The following SGCZ variants were observed in gnomAD, a reference collection of about 807,000 sequenced individuals.
SGCZ encodes the protein zeta-sarcoglycan.
SGCZ carries 40 observed loss-of-function variants against 41.3 expected under a neutral mutation model. The observed-to-expected ratio is 0.97, with a 90% CI of 0.75 to 1.26. The LOEUF is 1.26. Among genes scored for constraint, SGCZ ranks in the 50% most tolerant of loss-of-function variants. The pLI, the probability that SGCZ is intolerant of heterozygous loss-of-function variation, is 0.00. For synonymous variants in SGCZ, 206 were observed against 137.5 expected, an observed-to-expected ratio of 1.50 and a Z score of -3.49; for missense variants, 552 against 369.8, an observed-to-expected ratio of 1.49 and a Z score of -4.04.
chr8:14,496,465 C>G (rs1439829088), intron 2 of SGCZ, among the ~76,000 whole-genome samples: 4 of 152,140 alleles, frequency 2.6e-5, no homozygotes, highest in Admixed American at 2.6e-4. Flanking sequence ...CCCATACACC[C>G]ATGGGAGTAT....
chr8:15,095,550 A>G (rs1458433246), intron 1 of SGCZ, among the ~76,000 whole-genome samples: 1 of 152,322 alleles, frequency 6.6e-6, no homozygotes, highest in South Asian at 2.1e-4. Flanking sequence ...TTTTACTTAA[A>G]TGAAAATAAA....
intron 3 of SGCZ, among the ~76,000 whole-genome samples, chr8:14,275,047 G>T (rs934488786): frequency 1.3e-5 from 2 of 152,130 alleles, no homozygotes. Flanking sequence ...TCAGACATCA[G>T]GGATCAGTGA....
At chr8:14,319,759 CAACA>C (rs1405843749) in intron 3 of SGCZ, among the ~76,000 whole-genome samples, 2 of 151,860 alleles carry the variant, frequency 1.3e-5, no homozygotes, top group Non-Finnish European at 2.9e-5. Flanking sequence ...ATATAATTAT[CAACA>C]AACTGGAAAT....
chr8:14,225,515 A>C (rs1049188631), intron 4 of SGCZ, among the ~76,000 whole-genome samples: 1 of 152,120 alleles, frequency 6.6e-6, no homozygotes. Flanking sequence ...AATCAACATG[A>C]TAGTCAGGTG....
intron 1 of SGCZ, among the ~76,000 whole-genome samples, chr8:14,998,982 G>T (rs1203947967): frequency 6.6e-6 from 1 of 152,086 alleles, no homozygotes; most frequent in African/African-American, 2.4e-5. Context: ...CTATAATCTT[G>T]GGTACACTTG....
At chr8:15,154,904 C>A (rs1799286180) in intron 1 of SGCZ, among the ~76,000 whole-genome samples, 1 of 152,164 alleles carries the variant, frequency 6.6e-6, no homozygotes, top group Non-Finnish European at 1.5e-5. Context: ...CTCTAGTGTT[C>A]TACAGCAGTG....
Position 14,086,809 on chromosome 8 carries a change from T to C in SGCZ, c.*3634A>G, listed in dbSNP as rs1174116057. On this transcript the variant is annotated 3_prime_UTR_variant, in exon 8 of 8. Coordinates refer to ENST00000382080, the MANE Select transcript of SGCZ (RefSeq NM_139167.4). ...ATTTCAACTTTTATAAGCAGCTTTT[T>C]AAGGTGCAGAAGGAGATCACAAATG... is the stretch of plus-strand genomic sequence containing the variant. Among the ~76,000 whole-genome samples, 1 of 151,692 alleles carries C rather than the reference T, an allele frequency of 6.6e-6. No homozygotes were observed. The highest frequency in any genetic ancestry group is 1.5e-5 in the Non-Finnish European group (1 of 67,766).
chr8:14,475,063 T>G lies in SGCZ; in HGVS notation c.234+79669A>C, dbSNP rs191792945. Among the ~76,000 whole-genome samples the G allele has an allele frequency of 2.5e-3, 376 of 152,290 alleles. 3 individuals are homozygous for G. Among genetic ancestry groups the G allele is most frequent in the African/African-American group, 8.2e-3 (341 of 41,580 alleles). The stretch of plus-strand genomic sequence containing the variant: ...ATCCAATGAGTTATTTTGTTGTTGT[T>G]TTTTAAGGAAGTGGAATATTTCAAA... On this transcript the variant is annotated intron_variant, in intron 2 of 7. Transcript: ENST00000382080.
chr8:15,020,558 A>C (rs528286934), intron 1 of SGCZ, among the ~76,000 whole-genome samples: 3 of 152,288 alleles, frequency 2.0e-5, no homozygotes, highest in Admixed American at 6.5e-5. Context: ...CGCCACCAGA[A>C]AATATTAACT....
intron 6 of SGCZ, among the ~76,000 whole-genome samples, chr8:14,104,034 C>G (rs141711421): frequency 1.3e-5 from 2 of 152,254 alleles, no homozygotes; most frequent in African/African-American, 4.8e-5. Flanking sequence ...TGGAAAGTCT[C>G]CTGTCCACTG....
intron 4 of SGCZ, among the ~76,000 whole-genome samples, chr8:14,197,099 TATC>T (rs1410851004): frequency 6.6e-6 from 1 of 152,186 alleles, no homozygotes; most frequent in African/African-American, 2.4e-5. Context: ...ACATGTTTAA[TATC>T]ATGTAAATTA....
chr8:14,879,595 GACACACACAC>G (rs33933535), intron 1 of SGCZ, among the ~76,000 whole-genome samples: 1 of 147,008 alleles, frequency 6.8e-6, no homozygotes, highest in Non-Finnish European at 1.5e-5. Flanking sequence ...CAGACACACA[GACACACACAC>G]ACACACACAC....
intron 1 of SGCZ, among the ~76,000 whole-genome samples, chr8:15,079,818 C>T (rs555240385): frequency 6.6e-6 from 1 of 152,276 alleles, no homozygotes; most frequent in African/African-American, 2.4e-5. Flanking sequence ...GGCTTCTAAT[C>T]ATCCTATCGC....
At chr8:14,591,047 G>A (rs1483398748) in intron 1 of SGCZ, among the ~76,000 whole-genome samples, 1 of 150,572 alleles carries the variant, frequency 6.6e-6, no homozygotes, top group South Asian at 2.1e-4. Context: ...GATTCCAAGA[G>A]ACTTGCTCAA....
chr8:14,926,655 T>A (rs1056739710), intron 1 of SGCZ, among the ~76,000 whole-genome samples: 2 of 151,474 alleles, frequency 1.3e-5, no homozygotes, highest in African/African-American at 4.9e-5. Context: ...TTTTTTTTTG[T>A]TTTTTTGAGA....
intron 1 of SGCZ, among the ~76,000 whole-genome samples, chr8:15,052,070 T>C (rs1804534355): frequency 6.6e-6 from 1 of 152,164 alleles, no homozygotes; most frequent in Non-Finnish European, 1.5e-5. Flanking sequence ...ATTTAGACTG[T>C]TCAACGTTGA....
chr8:14,888,385 T>A (rs1417021112), intron 1 of SGCZ, among the ~76,000 whole-genome samples: 1 of 152,194 alleles, frequency 6.6e-6, no homozygotes, highest in African/African-American at 2.4e-5. Context: ...CTTTGCCATC[T>A]TTTAATAACC....
At chr8:14,935,582 G>A (rs1397646919) in intron 1 of SGCZ, among the ~76,000 whole-genome samples, 1 of 151,796 alleles carries the variant, frequency 6.6e-6, no homozygotes, top group Non-Finnish European at 1.5e-5. Flanking sequence ...TCAAGAACAA[G>A]AGTATTGATA....
intron 1 of SGCZ, among the ~76,000 whole-genome samples, chr8:15,028,082 T>A (rs897239657): frequency 9.2e-5 from 14 of 152,088 alleles, no homozygotes; most frequent in African/African-American, 3.4e-4. Context: ...CACTCCTCAA[T>A]GCTACCTAAC....
Sources: allele counts gnomAD v4.1 joint callset (sites outside exome capture counted in the v4.1 genomes callset), GRCh38; gene constraint gnomAD v4.1.1; transcripts MANE v1.5; gene names NCBI Gene and HGNC (gene_info 2026-07-23, HGNC 2026-07-21).